ENOX1: variants seen among roughly 807,000 people sequenced by gnomAD.
ENOX1 encodes ecto-NOX disulfide-thiol exchanger 1.
ENOX1 carries 42 observed loss-of-function variants against 82.5 expected under a neutral mutation model. The ratio of observed to expected loss-of-function variants is 0.51; its 90% confidence interval spans 0.40 to 0.66. The LOEUF (loss-of-function observed/expected upper bound fraction) is 0.66. Ranked by LOEUF, ENOX1 falls within the 30% of genes least tolerant of loss-of-function variation. The probability of loss-of-function intolerance (pLI) is 0.00; values close to 1 mark genes in which losing one functional copy is unlikely to be tolerated. For synonymous variants in ENOX1, 271 were observed against 282.2 expected (o/e 0.96, Z 0.40); for missense variants, 608 against 811.6 (o/e 0.75, Z 3.05).
At chr13:43,732,453 T>C (rs191476316) in intron 1 of ENOX1, among the ~76,000 whole-genome samples, 32 of 152,312 alleles carry the variant, frequency 2.1e-4, no homozygotes, top group Middle Eastern at 3.4e-3. Flanking sequence ...AGAATGTGTT[T>C]CCATTCTCAT....
intron 2 of ENOX1, among the ~76,000 whole-genome samples, chr13:43,557,881 T>C (rs530356159): frequency 1.4e-3 from 207 of 152,320 alleles, no homozygotes; most frequent in Non-Finnish European, 2.4e-3. Context: ...AAAAAAGATA[T>C]ACGAAGATTT....
At chr13:43,332,436 G>A (rs574002110) in intron 9 of ENOX1, among the ~76,000 whole-genome samples, 3 of 152,254 alleles carry the variant, frequency 2.0e-5, no homozygotes, top group African/African-American at 2.4e-5. Context: ...CCTGCTGTGC[G>A]GCCCAGTTCC....
In ENOX1 at chr13:43,412,895, A is replaced by G. The variant is rs1390894293; in HGVS notation, c.20T>C (p.Val7Ala). The change falls in exon 4 of 17, where the codon GTT (valine) becomes GCT (alanine). Residue 7 changes from valine to alanine, a missense_variant. Val to Ala is a moderately conservative substitution (Grantham distance 64). Transcript: ENST00000690772. MVDAGG[V>A]ENITQLPQEL... ...CTGGGGAAGCTGGGTGATGTTCTCA[A>G]CTCCACCTGCATCTACCATTGAATT... 6.2e-7 allele frequency: 1 copy of G among 1,613,880 alleles called. No homozygotes were observed. The highest frequency in any genetic ancestry group is 1.1e-5 in the South Asian group (1 of 91,054).
At chr13:43,618,827 A>T (rs2082596850) in intron 2 of ENOX1, among the ~76,000 whole-genome samples, 1 of 152,158 alleles carries the variant, frequency 6.6e-6, no homozygotes, top group Non-Finnish European at 1.5e-5. Flanking sequence ...TGCTTTTGGC[A>T]GTATGGTCAT....
chr13:43,290,957 G>A (rs1231056867), intron 12 of ENOX1, among the ~76,000 whole-genome samples: 3 of 152,134 alleles, frequency 2.0e-5, no homozygotes, highest in Admixed American at 2.0e-4. Context: ...AACCTGGGAG[G>A]TGGAGGTTGC....
At chr13:43,469,617 G>T (rs2057898277) in intron 3 of ENOX1, among the ~76,000 whole-genome samples, 1 of 151,904 alleles carries the variant, frequency 6.6e-6, no homozygotes, top group African/African-American at 2.4e-5. Context: ...TTTTAAAGAA[G>T]ATCTATATAA....
rs2153703632 is a variant in ENOX1, at chr13:43,558,564, G to A, written c.-218-74412C>T. ...TTCTAACCCTGATCATTGGGAATTAGTCACTATTTCCCTTAGTTGCTCTGG... is the reference window on the plus strand; with the variant it reads ...TTCTAACCCTGATCATTGGGAATTAATCACTATTTCCCTTAGTTGCTCTGG... On this transcript the variant is annotated intron_variant, in intron 2 of 16. Coordinates refer to ENST00000690772, the MANE Select transcript of ENOX1 (RefSeq NM_001347969.2). Among the ~76,000 whole-genome samples, 2 of 152,286 alleles carry A rather than the reference G, an allele frequency of 1.3e-5. 1 individual carries two copies. The highest frequency in any genetic ancestry group is 4.1e-4 in the South Asian group (2 of 4,822).
chr13:43,616,343 C>T lies in ENOX1; in HGVS notation c.-219+51136G>A, dbSNP rs1034315733. Among the ~76,000 whole-genome samples, 9 of 147,680 alleles carry T rather than the reference C, an allele frequency of 6.1e-5. No homozygotes were observed. The South Asian group carries it at 9.0e-4, about 15-fold the overall frequency. On this transcript the variant is annotated intron_variant, in intron 2 of 16. Coordinates refer to ENST00000690772, the MANE Select transcript of ENOX1 (RefSeq NM_001347969.2). ...TCAGCCTCCCAAGTAGCTGGGAGTA[C>T]AGGTGCCGCCACCACACCTGGTTAA... is the stretch of plus-strand genomic sequence containing the variant.
intron 15 of ENOX1, among the ~76,000 whole-genome samples, chr13:43,234,080 C>T (rs1011505102): frequency 3.3e-5 from 5 of 152,156 alleles, no homozygotes; most frequent in Non-Finnish European, 7.3e-5. Context: ...ATCTAGATTC[C>T]AGAAGCTTCA....
At chr13:43,231,202 A>C (rs1384393880) in intron 15 of ENOX1, among the ~76,000 whole-genome samples, 1 of 152,184 alleles carries the variant, frequency 6.6e-6, no homozygotes, top group Non-Finnish European at 1.5e-5. Context: ...ACCAGCCTGA[A>C]ATAGTCTTGT....
chr13:43,448,305 C>G (rs1260654624), intron 3 of ENOX1, among the ~76,000 whole-genome samples: 1 of 152,176 alleles, frequency 6.6e-6, no homozygotes, highest in Admixed American at 6.5e-5. Flanking sequence ...CTCTCATTAC[C>G]ATTGTACCTA....
chr13:43,322,408 T>C lies in ENOX1; in HGVS notation c.1237A>G (p.Lys413Glu), dbSNP rs1269772690. The change falls in exon 11 of 17, where the codon AAG becomes GAG. Residue 413 changes from lysine to glutamate, a missense_variant. Coordinates refer to ENST00000690772, the MANE Select transcript of ENOX1 (RefSeq NM_001347969.2). Reference sequence around the variant, plus strand: ...CCTGATTCATCGACTCTCATTTTCTTTGTAGGGCTGTCACAGTTCTCATCA... The same window carrying C: ...CCTGATTCATCGACTCTCATTTTCTCTGTAGGGCTGTCACAGTTCTCATCA... Reference protein sequence around the residue: ...SDDENCDSPTKKMRVDESALA... With the variant: ...SDDENCDSPTEKMRVDESALA... 5.0e-6 allele frequency: 8 copies of C among 1,614,080 alleles called. No homozygotes were observed. Among genetic ancestry groups the C allele is most frequent in the Admixed American group, 1.7e-5 (1 of 60,016 alleles).
chr13:43,732,459 C>T (rs916355236), intron 1 of ENOX1, among the ~76,000 whole-genome samples: 1 of 152,176 alleles, frequency 6.6e-6, no homozygotes, highest in African/African-American at 2.4e-5. Flanking sequence ...TGTTTCCATT[C>T]TCATACAATT....
intron 12 of ENOX1, among the ~76,000 whole-genome samples, chr13:43,282,710 C>T (rs2045462731): frequency 6.6e-6 from 1 of 151,938 alleles, no homozygotes; most frequent in South Asian, 2.1e-4. Context: ...AGGCATGAGC[C>T]ACCACACCCA....
intron 2 of ENOX1, among the ~76,000 whole-genome samples, chr13:43,656,447 T>G (rs112374860): frequency 6.6e-6 from 1 of 152,314 alleles, no homozygotes; most frequent in Non-Finnish European, 1.5e-5. Flanking sequence ...CTGAGTGGTT[T>G]AACATCATCA....
At chr13:43,502,104 G>T (rs1163864243) in intron 2 of ENOX1, among the ~76,000 whole-genome samples, 1 of 151,440 alleles carries the variant, frequency 6.6e-6, no homozygotes, top group Non-Finnish European at 1.5e-5. Flanking sequence ...CAATATATAC[G>T]AACACATTGG....
intron 2 of ENOX1, among the ~76,000 whole-genome samples, chr13:43,509,604 A>G (rs1236389769): frequency 6.6e-6 from 1 of 152,102 alleles, no homozygotes; most frequent in Admixed American, 6.6e-5. Context: ...TGCAATATAG[A>G]TTTGGAAAAT....
At chr13:43,324,311 A>G (rs2047982563) in intron 10 of ENOX1, among the ~76,000 whole-genome samples, 1 of 152,192 alleles carries the variant, frequency 6.6e-6, no homozygotes, top group Non-Finnish European at 1.5e-5. Context: ...AAACTGTCAT[A>G]TGGTAGTTGT....
intron 1 of ENOX1, among the ~76,000 whole-genome samples, chr13:43,733,127 C>A (rs2089437057): frequency 6.6e-6 from 1 of 152,114 alleles, no homozygotes. Flanking sequence ...CCTGGATAAC[C>A]AGACCCATCT....
Sources: allele counts gnomAD v4.1 joint callset (sites outside exome capture counted in the v4.1 genomes callset), GRCh38; gene constraint gnomAD v4.1.1; transcripts MANE v1.5; gene names NCBI Gene and HGNC (gene_info 2026-07-23, HGNC 2026-07-21).